AK4: variants seen among roughly 807,000 people sequenced by gnomAD.
The protein encoded by AK4 is adenylate kinase 4, also known as adenylate kinase 4, mitochondrial.
In AK4, 13 loss-of-function variants were observed where a neutral mutation model predicts 24.6. That is an observed-to-expected ratio of 0.53 (90% CI 0.34 to 0.84). The LOEUF (loss-of-function observed/expected upper bound fraction) is 0.84. AK4 is among the 40% of genes least tolerant of loss of function. The pLI is 0.01. For synonymous variants in AK4, 88 were observed against 107.0 expected (o/e 0.82, Z 1.10); for missense variants, 192 against 288.2 (o/e 0.67, Z 2.42).
chr1:65,199,556 C>T (rs924005371), intron 2 of AK4, among the ~76,000 whole-genome samples: 6 of 151,390 alleles, frequency 4.0e-5, no homozygotes, highest in African/African-American at 1.5e-4. Context: ...GCGACTCCAT[C>T]TCAAAAAAGA....
chr1:65,152,358 CTCTA>C (rs1251950640), intron 1 of AK4, among the ~76,000 whole-genome samples: 247 of 30,468 alleles, frequency 8.1e-3, no homozygotes, highest in Middle Eastern at 0.024. Context: ...CTCTCTCTCT[CTCTA>C]TATATATATA....
At chr1:65,179,993 T>G (rs1016561266) in intron 1 of AK4, among the ~76,000 whole-genome samples, 2 of 152,118 alleles carry the variant, frequency 1.3e-5, no homozygotes, top group African/African-American at 2.4e-5. Context: ...CAACCCTAAG[T>G]GATATTATTC....
chr1:65,186,047 T>C (rs1305362579), intron 1 of AK4, among the ~76,000 whole-genome samples: 1 of 152,196 alleles, frequency 6.6e-6, no homozygotes, highest in African/African-American at 2.4e-5. Context: ...AAGATGATCA[T>C]ATTGATTTTT....
intron 1 of AK4, among the ~76,000 whole-genome samples, chr1:65,184,018 A>AT (rs976934168): frequency 5.3e-5 from 8 of 152,182 alleles, no homozygotes; most frequent in Non-Finnish European, 2.9e-5. Flanking sequence ...TTATCGTATA[A>AT]TTTTAAATGC....
In AK4 at chr1:65,226,184, C is replaced by G; in HGVS notation, c.*7C>G. 6.3e-7 allele frequency: 1 copy of G among 1,590,926 alleles called. No individual in the cohort carries two copies. The highest frequency in any genetic ancestry group is 8.6e-7 in the Non-Finnish European group (1 of 1,165,326). ...GTCCAAAGAAGCATATTGACCCTGC[C>G]CAATGGAAGAACCAGGAAGATGTGG... On this transcript the variant is annotated 3_prime_UTR_variant, in exon 5 of 5. Transcript: ENST00000327299.
chr1:65,182,770 A>T, intron 1 of AK4, among the ~76,000 whole-genome samples: 1 of 152,232 alleles, frequency 6.6e-6, no homozygotes. Flanking sequence ...TCTCTTCAAT[A>T]GTGAAAGGTG....
At chr1:65,212,073 G>A (rs768571877) in intron 2 of AK4, among the ~76,000 whole-genome samples, 4 of 152,176 alleles carry the variant, frequency 2.6e-5, no homozygotes, top group Non-Finnish European at 5.9e-5. Flanking sequence ...TGCCGGTATG[G>A]CTGGCACGGA....
intron 1 of AK4, among the ~76,000 whole-genome samples, chr1:65,171,394 C>T (rs1159850785): frequency 6.6e-6 from 1 of 150,432 alleles, no homozygotes; most frequent in Non-Finnish European, 1.5e-5. Flanking sequence ...CTGCAACCTC[C>T]ACCTCCCTGG....
chr1:65,182,178 C>T (rs1650931051), intron 1 of AK4, among the ~76,000 whole-genome samples: 1 of 152,218 alleles, frequency 6.6e-6, no homozygotes, highest in South Asian at 2.1e-4. Flanking sequence ...ATCTTGACCT[C>T]TCAAAGTGTT....
intron 1 of AK4, among the ~76,000 whole-genome samples, chr1:65,157,318 T>C (rs1650016668): frequency 6.6e-6 from 1 of 152,224 alleles, no homozygotes; most frequent in Non-Finnish European, 1.5e-5. Flanking sequence ...TCATTCGATA[T>C]ACAGAGCATG....
intron 1 of AK4, among the ~76,000 whole-genome samples, chr1:65,166,600 G>A (rs375967914): frequency 3.9e-5 from 6 of 152,192 alleles, no homozygotes; most frequent in East Asian, 1.9e-4. Flanking sequence ...AAGGCTCACC[G>A]CAGCTTCAAC....
intron 1 of AK4, among the ~76,000 whole-genome samples, chr1:65,180,362 C>T (rs1472781771): frequency 6.6e-6 from 1 of 152,068 alleles, no homozygotes; most frequent in Non-Finnish European, 1.5e-5. Context: ...GTGTTTTCTT[C>T]ATAGTTACCC....
At chr1:65,170,515 T>G (rs752174596) in intron 1 of AK4, among the ~76,000 whole-genome samples, 5 of 152,220 alleles carry the variant, frequency 3.3e-5, no homozygotes, top group Non-Finnish European at 7.3e-5. Context: ...TGTGTGCACT[T>G]AGCTTATGCG....
At chr1:65,221,762 C>T (rs1395405769) in intron 3 of AK4, among the ~76,000 whole-genome samples, 2 of 152,214 alleles carry the variant, frequency 1.3e-5, no homozygotes, top group Non-Finnish European at 2.9e-5. Context: ...TTTGAAAAGC[C>T]TTACCACTGA....
intron 1 of AK4, among the ~76,000 whole-genome samples, chr1:65,161,355 C>G (rs1310005959): frequency 3.3e-5 from 5 of 152,176 alleles, no homozygotes; most frequent in Non-Finnish European, 7.4e-5. Context: ...TTTGAGGTAC[C>G]GACAGTCTAG....
rs1219735672 is a variant in AK4 at position 65,148,470 on chromosome 1, GT to G, written c.64del (p.Cys22AlafsTer37). On this transcript the variant is annotated frameshift_variant, in exon 1 of 5. Transcript: ENST00000327299. LOFTEE classifies it high-confidence loss of function. ...CGCCCGGCTCGGGCAAGGGCACCGTGTGCCAGAGGATCGCCCAGAACTTTGG... is the reference window on the plus strand; with the variant it reads ...CGCCCGGCTCGGGCAAGGGCACCGTGGCCAGAGGATCGCCCAGAACTTTGG... The part of the protein sequence containing the change: ...GPPGSGKGTV[C>X]QRIAQNFGLQ... The G allele has an allele frequency of 6.3e-7, 1 of 1,576,244 alleles. No individual in the cohort carries two copies. Among genetic ancestry groups the G allele is most frequent in the Non-Finnish European group, 8.6e-7 (1 of 1,162,266 alleles).
intron 3 of AK4, among the ~76,000 whole-genome samples, chr1:65,223,643 A>T (rs566740116): frequency 1.3e-5 from 2 of 152,276 alleles, no homozygotes; most frequent in Non-Finnish European, 2.9e-5. Flanking sequence ...GGGAATAGAA[A>T]GCTAGCAAAA....
intron 2 of AK4, among the ~76,000 whole-genome samples, chr1:65,203,073 A>T (rs1002142151): frequency 6.6e-6 from 1 of 151,820 alleles, no homozygotes; most frequent in Admixed American, 6.6e-5. Flanking sequence ...GGATTTTGCT[A>T]TGTTGCCCAG....
intron 1 of AK4, among the ~76,000 whole-genome samples, chr1:65,158,636 G>C (rs1389644047): frequency 2.0e-5 from 3 of 152,100 alleles, no homozygotes; most frequent in Non-Finnish European, 1.5e-5. Flanking sequence ...GAGTAGCTGG[G>C]ACTACAGGCT....
Sources: gnomAD v4.1 joint callset for allele counts (sites outside exome capture counted in the v4.1 genomes callset) on GRCh38, gnomAD v4.1.1 for gene constraint, MANE v1.5 for transcripts, NCBI Gene and HGNC (gene_info 2026-07-23, HGNC 2026-07-21) for gene names.